Variants in CHERP observed in about 807,000 individuals in gnomAD.
CHERP encodes the protein ERPROT 213-21.
A neutral mutation model predicts 113.8 loss-of-function variants in CHERP; 8 were observed. That is an observed-to-expected ratio of 0.07 (90% confidence interval 0.04 to 0.13). The LOEUF (loss-of-function observed/expected upper bound fraction) is 0.13, where lower values mean the gene tolerates loss of function less well. CHERP is among the 10% of genes least tolerant of loss of function. CHERP has a pLI of 1.00. For synonymous variants in CHERP, 559 were observed against 524.5 expected (o/e 1.07, Z -0.90); for missense variants, 884 against 1,298.2 (o/e 0.68, Z 4.90).
At chr19:16,524,077 C>T (rs574449276) in intron 10 of CHERP, among the ~76,000 whole-genome samples, 1 of 151,920 alleles carries the variant, frequency 6.6e-6, no homozygotes, top group South Asian at 2.1e-4. Flanking sequence ...CATGGCGAAA[C>T]CCCATCTACT....
At chr19:16,529,460 T>C (rs143534245) in intron 8 of CHERP, among the ~76,000 whole-genome samples, 188 bp downstream of exon 8, 44 of 152,312 alleles carry the variant, frequency 2.9e-4, no homozygotes, top group Middle Eastern at 3.4e-3. Flanking sequence ...AATGGGATGG[T>C]TGTAGTTTTA....
At position 16,525,780 on chromosome 19, in the gene CHERP, G is replaced by T. The variant is rs74324120; in HGVS notation, c.1306-103C>A. 1.7e-6 allele frequency: 2 copies of T among 1,161,338 alleles called. No homozygotes were observed. Among genetic ancestry groups the T allele is most frequent in the Admixed American group, 3.2e-5 (1 of 31,084 alleles). 71.9% of individuals were successfully genotyped at this position (1,161,338 alleles called of 1,614,324 possible). On this transcript the variant is annotated intron_variant, in intron 9 of 16. Transcript: ENST00000546361. The surrounding 1 kb of genome is among the most constrained non-coding windows in gnomAD (Gnocchi z 6.5). ...TCACAGCGCTGGCTCAGACCATGGA[G>T]GCGCTGCCCTGGCCACGTTGAGGCG...
intron 2 of CHERP, among the ~76,000 whole-genome samples, chr19:16,540,467 G>A (rs1430309285): frequency 2.0e-5 from 3 of 151,550 alleles, no homozygotes; most frequent in Non-Finnish European, 2.9e-5. Context: ...CCAGCTCCCA[G>A]GTTCAAGCGA....
intron 2 of CHERP, among the ~76,000 whole-genome samples, chr19:16,539,171 G>A (rs1398306031): frequency 1.4e-5 from 2 of 141,862 alleles, no homozygotes; most frequent in Non-Finnish European, 3.0e-5. Context: ...TTTTTGAGAC[G>A]GAGTCTCGCT....
chr19:16,525,669 C>T lies in CHERP; in HGVS notation c.1314G>A (p.Glu438=). 5 of 1,512,672 alleles carry T rather than the reference C, an allele frequency of 3.3e-6. No individual in the cohort carries two copies. The highest frequency in any genetic ancestry group is 4.4e-6 in the Non-Finnish European group (5 of 1,131,428). 93.7% of individuals were successfully genotyped at this position (1,512,672 alleles called of 1,614,324 possible). A position where few individuals can be genotyped will look rare whatever the true frequency, so the allele number is the denominator to read the frequency against. The part of the protein sequence containing the change: ...VAPWGQQQPP[E]QPPYPHHQGG... Reference sequence around the variant, plus strand: ...CCTGGTGGTGCGGGTAGGGTGGCTGCTCTGGCGGCTGCAAGGGAAGGGACA... The same window carrying T: ...CCTGGTGGTGCGGGTAGGGTGGCTGTTCTGGCGGCTGCAAGGGAAGGGACA... Residue 438 remains glutamate (E), a synonymous_variant, in exon 10 of 17, where the codon GAG becomes GAA. Transcript: ENST00000546361. The surrounding 1 kb of genome is among the most constrained non-coding windows in gnomAD (Gnocchi z 6.5).
chr19:16,531,376 C>T (rs1460108266), intron 5 of CHERP, among the ~76,000 whole-genome samples: 1 of 152,176 alleles, frequency 6.6e-6, no homozygotes, highest in African/African-American at 2.4e-5. Context: ...AGAAGAGTGA[C>T]CGGATGCCCA....
At chr19:16,528,036 C>G in intron 9 of CHERP, 44 bp downstream of exon 9, 1 of 1,598,978 alleles carries the variant, frequency 6.3e-7, no homozygotes, top group Non-Finnish European at 8.5e-7. Flanking sequence ...CCCCATCAGG[C>G]CAAGTGTGCC....
intron 11 of CHERP, among the ~76,000 whole-genome samples, 181 bp from the exon 12 acceptor site, chr19:16,521,835 C>G (rs1384211658): frequency 6.6e-6 from 1 of 152,200 alleles, no homozygotes; most frequent in African/African-American, 2.4e-5. Flanking sequence ...TCAGCCACAC[C>G]AACCATGGTG....
chr19:16,532,588 C>A lies in CHERP; in HGVS notation c.674+10G>T. ...AAGTGGCGCTCTGGGCACGGGGTGG[C>A]GGCGCTCACCAGTGGTGCAGCACGT... On this transcript the variant is annotated intron_variant, in intron 5 of 16. Coordinates refer to ENST00000546361, the MANE Select transcript of CHERP (RefSeq NM_006387.6). The surrounding 1 kb of genome is among the most constrained non-coding windows in gnomAD (Gnocchi z 4.4). 1.9e-6 allele frequency: 3 copies of A among 1,586,456 alleles called. No individual in the cohort carries two copies. The highest frequency in any genetic ancestry group is 2.6e-6 in the Non-Finnish European group (3 of 1,166,334).
In CHERP at chr19:16,520,467, G is replaced by T. The variant is rs776056169; in HGVS notation, c.2242C>A (p.Arg748Ser). 1.3e-4 allele frequency: 209 copies of T among 1,614,056 alleles called. No individual in the cohort carries two copies. The highest frequency in any genetic ancestry group is 1.7e-4 in the Non-Finnish European group (195 of 1,179,998). Reference protein sequence around the residue: ...RSRSRSKSRGRSSSRSNSRSS... With the variant: ...RSRSRSKSRGSSSSRSNSRSS... ...CTTGAGTTGGAGCGGGAGGAAGAAC[G>T]CCCTCGACTCTTGGATCTGCTCCGA... Residue 748 changes from arginine (R) to serine (S), a missense_variant, in exon 14 of 17, where the codon CGT becomes AGT. By Grantham distance (110) the Arg-to-Ser change is moderately radical. Transcript: ENST00000546361. The surrounding 1 kb of genome is among the most constrained non-coding windows in gnomAD (Gnocchi z 4.0).
In CHERP at chr19:16,533,095, A is replaced by G. The variant is rs2122275079; in HGVS notation, c.438T>C (p.Leu146=). ...AHAVEQQMQK[L]LEETQLDMNE... ...TCATGTCTAGCTGGGTCTCCTCCAG[A>G]AGCTTCTGCATCTGCTGCTCCACCG... is the stretch of plus-strand genomic sequence containing the variant. The change falls in exon 4 of 17, where the codon CTT becomes CTC. Residue 146 remains leucine (L), a synonymous_variant. Coordinates refer to ENST00000546361, the MANE Select transcript of CHERP (RefSeq NM_006387.6). 4 of 1,584,446 alleles carry G rather than the reference A, an allele frequency of 2.5e-6. No individual in the cohort carries two copies. In the East Asian group the frequency reaches 9.1e-5, roughly 36 times the overall value.
rs200470164 is a variant in CHERP, at chr19:16,525,963, G to C, written c.1306-286C>G. On this transcript the variant is annotated intron_variant, in intron 9 of 16. Transcript: ENST00000546361. The surrounding 1 kb of genome is among the most constrained non-coding windows in gnomAD (Gnocchi z 6.5). ...CGCTGCACCCGCACACAGGCCGCCCGCGCCACAAGGTGCTCCCCGCTACCA... is the reference window on the plus strand; with the variant it reads ...CGCTGCACCCGCACACAGGCCGCCCCCGCCACAAGGTGCTCCCCGCTACCA... 6.6e-6 allele frequency among the ~76,000 whole-genome samples: 1 copy of C among 152,196 alleles called. No individual in the cohort carries two copies. Among genetic ancestry groups the C allele is most frequent in the Non-Finnish European group, 1.5e-5 (1 of 68,034 alleles).
At chr19:16,521,722 A>T (rs2085617281) in intron 11 of CHERP, 68 bp from the exon 12 acceptor site, 1 of 1,449,450 alleles carries the variant, frequency 6.9e-7, no homozygotes, top group Non-Finnish European at 9.2e-7. Flanking sequence ...CAGGGTCTGC[A>T]AGGAGTGGGG....
In CHERP at chr19:16,530,871, C is replaced by T. The variant is rs1365660328; in HGVS notation, c.684G>A (p.Lys228=). The change falls in exon 6 of 17, where the codon AAG becomes AAA. Residue 228 remains lysine (K), a synonymous_variant. Transcript: ENST00000546361. The surrounding 1 kb of genome is among the most constrained non-coding windows in gnomAD (Gnocchi z 4.1). ...GGGCGGCCAGCAGCTCCCGGGCCTG[C>T]TTGCGCTGGCTGTGAGGGAGAGACT... The part of the protein sequence containing the change: ...INDVLHHCQR[K]QARELLAALQ... The T allele has an allele frequency of 5.0e-6, 8 of 1,613,176 alleles. No individual in the cohort carries two copies. The African/African-American group carries it at 9.3e-5, about 19-fold the overall frequency.
chr19:16,525,320 C>T lies in CHERP; in HGVS notation c.1663G>A (p.Asp555Asn), dbSNP rs2085649755. Residue 555 changes from aspartate to asparagine, a missense_variant, in exon 10 of 17, where the codon GAC becomes AAC. Asp to Asn is a conservative substitution (Grantham distance 23, BLOSUM62 1). Around this residue, in one of 8 missense-constraint regions of CHERP, gnomAD observed 464 missense variants for 590.1 expected, o/e 0.79. Transcript: ENST00000546361. The surrounding 1 kb of genome is among the most constrained non-coding windows in gnomAD (Gnocchi z 6.5). ...NRFPPRFMQDDFPPRHPFERP... is the reference protein window; with the variant it reads ...NRFPPRFMQDNFPPRHPFERP... ...TCGAAGGGGTGCCGTGGCGGGAAGT[C>T]GTCCTGCATGAAGCGGGGCGGGAAG... 2.1e-6 allele frequency: 3 copies of T among 1,460,310 alleles called. No individual in the cohort carries two copies. The highest frequency in any genetic ancestry group is 2.7e-6 in the Non-Finnish European group (3 of 1,105,132). The allele number at this position is 1,460,310 out of a possible 1,614,324, so 90.5% of individuals were successfully genotyped here.
chr19:16,532,859 G>A lies in CHERP; in HGVS notation c.523-110C>T. On this transcript the variant is annotated intron_variant, in intron 4 of 16. Coordinates refer to ENST00000546361, the MANE Select transcript of CHERP (RefSeq NM_006387.6). The surrounding 1 kb of genome is among the most constrained non-coding windows in gnomAD (Gnocchi z 4.4). ...GCTCAGGGAAGGACACACCATGAGC[G>A]TGGGGGGCACAGGGTCCCACAGCCT... 11 of 1,535,842 alleles carry A rather than the reference G, an allele frequency of 7.2e-6. No homozygotes were observed. Among genetic ancestry groups the A allele is most frequent in the Middle Eastern group, 1.7e-4 (1 of 5,762 alleles).
At chr19:16,524,124 C>G (rs908262540) in intron 10 of CHERP, among the ~76,000 whole-genome samples, 2 of 151,650 alleles carry the variant, frequency 1.3e-5, no homozygotes, top group African/African-American at 4.9e-5. Flanking sequence ...GTGACTGATG[C>G]CTGTAATCCC....
In CHERP at chr19:16,530,278, C is replaced by T. The variant is rs1423901308; in HGVS notation, c.876+307G>A. On this transcript the variant is annotated intron_variant, in intron 7 of 16. Coordinates refer to ENST00000546361, the MANE Select transcript of CHERP (RefSeq NM_006387.6). The surrounding 1 kb of genome is among the most constrained non-coding windows in gnomAD (Gnocchi z 4.1). ...AGAGGGGCTGCCACAGCCTAAGCCA[C>T]GTCTGGGCTTCCTCATGCTTCCACC... 1.3e-5 allele frequency among the ~76,000 whole-genome samples: 2 copies of T among 152,236 alleles called. No homozygotes were observed. The highest frequency in any genetic ancestry group is 2.9e-5 in the Non-Finnish European group (2 of 68,050).
In CHERP at chr19:16,532,633, G is replaced by A. The variant is rs764695951; in HGVS notation, c.639C>T (p.His213=). ...GCACGTCATTGATCAGGTAGATGAG[G>A]TGCAGCCGCAGCTCGAAGTGTGCCC... is the stretch of plus-strand genomic sequence containing the variant. ...ADGAHFELRL[H]LIYLINDVLH... is the part of the protein sequence containing the mutation. The change falls in exon 5 of 17, where the codon CAC becomes CAT. Residue 213 remains histidine (H), a synonymous_variant. Transcript: ENST00000546361. The surrounding 1 kb of genome is among the most constrained non-coding windows in gnomAD (Gnocchi z 4.4). 1.4e-5 allele frequency: 23 copies of A among 1,611,084 alleles called. No individual in the cohort carries two copies. Among genetic ancestry groups the A allele is most frequent in the Non-Finnish European group, 1.9e-5 (22 of 1,179,656 alleles).
Sources: gnomAD v4.1 joint callset for allele counts (sites outside exome capture counted in the v4.1 genomes callset) on GRCh38, gnomAD v4.1.1 for gene constraint, gnomAD v4.1.1 regional missense constraint, Gnocchi (gnomAD v3.1) non-coding constraint, MANE v1.5 for transcripts, NCBI Gene and HGNC (gene_info 2026-07-23, HGNC 2026-07-21) for gene names.